CTNND2: variants seen among roughly 807,000 people sequenced by gnomAD.
CTNND2 encodes catenin delta-2.
In CTNND2, 22 loss-of-function variants were observed where a neutral mutation model predicts 144.4. That is an observed-to-expected ratio of 0.15 (90% CI 0.11 to 0.22). CTNND2 has a LOEUF of 0.22. Ranked by LOEUF, CTNND2 falls within the 10% of genes least tolerant of loss-of-function variation. CTNND2 has a pLI of 1.00. For synonymous variants in CTNND2, 751 were observed against 695.6 expected (o/e 1.08, Z -1.25); for missense variants, 1,353 against 1,618.8 (o/e 0.84, Z 2.82).
At chr5:11,622,951 C>T (rs563198519) in intron 2 of CTNND2, among the ~76,000 whole-genome samples, 1 of 152,200 alleles carries the variant, frequency 6.6e-6, no homozygotes, top group Admixed American at 6.6e-5. Flanking sequence ...TCTACTATGA[C>T]TATATCCTTC....
At chr5:11,756,694 C>T (rs1399541575) in intron 1 of CTNND2, among the ~76,000 whole-genome samples, 1 of 150,300 alleles carries the variant, frequency 6.7e-6, no homozygotes, top group Non-Finnish European at 1.5e-5. Flanking sequence ...TGTGATGATG[C>T]TATATATATT....
At chr5:11,589,768 A>C (rs1779113368) in intron 2 of CTNND2, among the ~76,000 whole-genome samples, 1 of 152,188 alleles carries the variant, frequency 6.6e-6, no homozygotes, top group East Asian at 1.9e-4. Context: ...CTTTGTACCA[A>C]ATGGATCCCA....
At chr5:11,164,145 T>A (rs1158674806) in intron 11 of CTNND2, among the ~76,000 whole-genome samples, 1 of 152,114 alleles carries the variant, frequency 6.6e-6, no homozygotes, top group African/African-American at 2.4e-5. Context: ...CTGACCCTCC[T>A]ACCTCCCTCT....
In CTNND2 at chr5:11,624,699, G is replaced by T. The variant is rs999986276; in HGVS notation, c.175-59643C>A. On this transcript the variant is annotated intron_variant, in intron 2 of 21. Coordinates refer to ENST00000304623, the MANE Select transcript of CTNND2 (RefSeq NM_001332.4). The stretch of plus-strand genomic sequence containing the variant: ...CTTTTGTGATTTTGTTTTATAAGAG[G>T]TTAGAAAAATAAAACAAAATGATTC... Among the ~76,000 whole-genome samples, 6 of 152,070 alleles carry T rather than the reference G, an allele frequency of 3.9e-5. No homozygotes were observed. The East Asian group carries it at 9.7e-4, about 24-fold the overall frequency.
At chr5:11,096,778 A>G (rs572624188) in intron 15 of CTNND2, among the ~76,000 whole-genome samples, 1 of 151,022 alleles carries the variant, frequency 6.6e-6, no homozygotes, top group South Asian at 2.1e-4. Flanking sequence ...AGAGAGACAG[A>G]GGGAGGGAGG....
intron 18 of CTNND2, among the ~76,000 whole-genome samples, chr5:11,007,088 C>T (rs1234985871): frequency 6.6e-6 from 1 of 152,132 alleles, no homozygotes; most frequent in Non-Finnish European, 1.5e-5. Flanking sequence ...GTGGATGTAT[C>T]CACTTCAGAA....
chr5:11,195,348 T>C (rs76787572), intron 11 of CTNND2, among the ~76,000 whole-genome samples: 6 of 152,194 alleles, frequency 3.9e-5, no homozygotes, highest in Admixed American at 2.6e-4. Context: ...GTCCTAAGCA[T>C]CCCTTTTCAG....
chr5:11,473,898 T>C (rs868595311), intron 3 of CTNND2, among the ~76,000 whole-genome samples: 5 of 152,332 alleles, frequency 3.3e-5, no homozygotes, highest in Middle Eastern at 6.8e-3. Flanking sequence ...GTTAAACAAA[T>C]GTGATGAATT....
intron 9 of CTNND2, among the ~76,000 whole-genome samples, chr5:11,307,643 G>T (rs539785736): frequency 6.6e-6 from 1 of 152,016 alleles, no homozygotes; most frequent in African/African-American, 2.4e-5. Context: ...AGAAAAACTT[G>T]GTTTCATAAG....
At chr5:11,181,566 G>A (rs1044232188) in intron 11 of CTNND2, among the ~76,000 whole-genome samples, 1 of 152,194 alleles carries the variant, frequency 6.6e-6, no homozygotes, top group African/African-American at 2.4e-5. Flanking sequence ...GTCGGGGATA[G>A]TAGTGCTTCC....
At chr5:11,119,649 G>A (rs2149697738) in intron 12 of CTNND2, among the ~76,000 whole-genome samples, 1 of 152,350 alleles carries the variant, frequency 6.6e-6, no homozygotes, top group East Asian at 1.9e-4. Flanking sequence ...GTTGAGCTGT[G>A]AAGCTGTTAA....
At chr5:11,658,222 C>A (rs1277046353) in intron 2 of CTNND2, among the ~76,000 whole-genome samples, 3 of 151,842 alleles carry the variant, frequency 2.0e-5, no homozygotes, top group South Asian at 2.1e-4. Flanking sequence ...AAAAAAAATT[C>A]TTGAAAATAT....
intron 2 of CTNND2, among the ~76,000 whole-genome samples, chr5:11,574,308 T>A (rs1298696594): frequency 1.3e-5 from 2 of 152,172 alleles, no homozygotes; most frequent in African/African-American, 4.8e-5. Context: ...CAATGTTGAC[T>A]CAATAAGGTA....
intron 3 of CTNND2, among the ~76,000 whole-genome samples, chr5:11,476,398 G>A (rs2149965680): frequency 6.6e-6 from 1 of 152,268 alleles, no homozygotes; most frequent in East Asian, 1.9e-4. Context: ...CAGTAACAAT[G>A]CAAGATAGGT....
chr5:11,246,101 T>C (rs1742968246), intron 9 of CTNND2, among the ~76,000 whole-genome samples: 1 of 152,198 alleles, frequency 6.6e-6, no homozygotes, highest in African/African-American at 2.4e-5. Flanking sequence ...GGCCACTGCG[T>C]GTTTGTCCAA....
intron 1 of CTNND2, among the ~76,000 whole-genome samples, chr5:11,765,509 G>A (rs1789531527): frequency 6.6e-6 from 1 of 152,174 alleles, no homozygotes; most frequent in African/African-American, 2.4e-5. Context: ...CCACTCTTCT[G>A]CATTCACACT....
At chr5:11,020,072 G>C (rs1224377176) in intron 17 of CTNND2, among the ~76,000 whole-genome samples, 3 of 152,166 alleles carry the variant, frequency 2.0e-5, no homozygotes, top group Non-Finnish European at 4.4e-5. Context: ...AGTTGGTGCA[G>C]TTCATTGTGG....
At chr5:11,871,083 T>G (rs1249779938) in intron 1 of CTNND2, among the ~76,000 whole-genome samples, 1 of 152,190 alleles carries the variant, frequency 6.6e-6, no homozygotes. Context: ...GCCAGAGAGT[T>G]ATCTAGGTCT....
chr5:11,299,178 G>T (rs1580834385), intron 9 of CTNND2, among the ~76,000 whole-genome samples: 1 of 152,086 alleles, frequency 6.6e-6, no homozygotes, highest in African/African-American at 2.4e-5. Flanking sequence ...GATCTGTTTT[G>T]TTTTCCTAGC....
Sources: gnomAD v4.1 joint callset for allele counts (sites outside exome capture counted in the v4.1 genomes callset) on GRCh38, gnomAD v4.1.1 for gene constraint, MANE v1.5 for transcripts, NCBI Gene and HGNC (gene_info 2026-07-23, HGNC 2026-07-21) for gene names.